CFAP61: variants seen among roughly 807,000 people sequenced by gnomAD.
The protein encoded by CFAP61 is cilia and flagella associated protein 61, also known as cilia- and flagella-associated protein 61.
CFAP61 carries 107 observed loss-of-function variants against 135.6 expected under a neutral mutation model. The observed-to-expected ratio is 0.79, with a 90% CI of 0.67 to 0.93. The LOEUF (loss-of-function observed/expected upper bound fraction) is 0.93, where lower values mean the gene tolerates loss of function less well. Ranked by LOEUF, CFAP61 falls within the 40% of genes least tolerant of loss-of-function variation. CFAP61 has a pLI of 0.00. For synonymous variants in CFAP61, 575 were observed against 578.5 expected (o/e 0.99, Z 0.09); for missense variants, 1,507 against 1,556.2 (o/e 0.97, Z 0.53).
intron 8 of CFAP61, among the ~76,000 whole-genome samples, chr20:20,142,313 C>T (rs1179150669): frequency 3.3e-5 from 5 of 152,140 alleles, no homozygotes; most frequent in African/African-American, 4.8e-5. Flanking sequence ...GCATTGTGAC[C>T]GCTGGCAGAG....
intron 8 of CFAP61, among the ~76,000 whole-genome samples, chr20:20,119,993 TTGTCTTTATCCAG>T (rs2049485868): frequency 6.6e-6 from 1 of 152,248 alleles, no homozygotes; most frequent in South Asian, 2.1e-4. Flanking sequence ...ATGTATCACA[TTGTCTTTATCCAG>T]TCTACCATTG....
chr20:20,237,683 C>T (rs2049704444), intron 18 of CFAP61, among the ~76,000 whole-genome samples: 1 of 152,202 alleles, frequency 6.6e-6, no homozygotes, highest in African/African-American at 2.4e-5. Flanking sequence ...CCCCATAACT[C>T]CTTAATATCA....
intron 8 of CFAP61, among the ~76,000 whole-genome samples, chr20:20,113,966 C>CAAA (rs11456473): frequency 4.8e-4 from 45 of 94,420 alleles, no homozygotes; most frequent in African/African-American, 1.2e-3. Context: ...CATGAGAGCT[C>CAAA]AAAAAAAAAA....
intron 18 of CFAP61, 56 bp from the exon 19 acceptor site, chr20:20,246,061 A>G: frequency 9.2e-7 from 1 of 1,086,898 alleles, no homozygotes; most frequent in South Asian, 1.3e-5. Flanking sequence ...ATTATGATAA[A>G]CTTTTGCTAA....
chr20:20,139,493 C>T lies in CFAP61; in HGVS notation c.860-3364C>T, dbSNP rs16981565. On this transcript the variant is annotated intron_variant, in intron 8 of 26. Coordinates refer to ENST00000245957, the MANE Select transcript of CFAP61 (RefSeq NM_015585.4). The stretch of plus-strand genomic sequence containing the variant: ...AAGCCATAAAATAACAATTAAATCG[C>T]GCAGCTTCAGTTGTATTTTTAGTCA... Among the ~76,000 whole-genome samples, 531 of 152,334 alleles carry T rather than the reference C, an allele frequency of 3.5e-3. 1 individual carries two copies. Among genetic ancestry groups the T allele is most frequent in the African/African-American group, 0.012 (495 of 41,570 alleles).
At chr20:20,358,108 GCACACTGTGAGGGGTGGTAGT>G (rs2059328906) in intron 26 of CFAP61, among the ~76,000 whole-genome samples, 1 of 106,052 alleles carries the variant, frequency 9.4e-6, no homozygotes, top group African/African-American at 3.9e-5. Flanking sequence ...GGGGAGGTGG[GCACACTGTGAGGGGTGGTAGT>G]CACACTGAGA....
chr20:20,344,676 G>A (rs372192543), intron 26 of CFAP61, among the ~76,000 whole-genome samples: 28 of 152,298 alleles, frequency 1.8e-4, no homozygotes, highest in African/African-American at 6.3e-4. Flanking sequence ...TATAGCCACT[G>A]TAGAGAACAG....
At chr20:20,169,272 A>T in intron 12 of CFAP61, 49 bp from the exon 13 acceptor site, 3 of 1,540,388 alleles carry the variant, frequency 1.9e-6, no homozygotes, top group Admixed American at 1.8e-5. Flanking sequence ...TTGTTTTTTG[A>T]TTAATTTTTT....
At chr20:20,177,736 T>G (rs2054743708) in intron 13 of CFAP61, among the ~76,000 whole-genome samples, 1 of 150,482 alleles carries the variant, frequency 6.6e-6, no homozygotes, top group Admixed American at 6.7e-5. Flanking sequence ...ATGCACAGTA[T>G]ATAGGCACTA....
intron 13 of CFAP61, among the ~76,000 whole-genome samples, chr20:20,174,579 G>A (rs6046698): frequency 0.9 from 137,386 of 152,188 alleles, 62,836 homozygotes; most frequent in Middle Eastern, 0.99. Flanking sequence ...CTCAGTTCCT[G>A]TAGGGAGGAC....
chr20:20,245,549 C>T (rs530406616), intron 18 of CFAP61, among the ~76,000 whole-genome samples: 12 of 152,250 alleles, frequency 7.9e-5, no homozygotes, highest in African/African-American at 2.4e-4. Context: ...TCCCACAACA[C>T]GTGGGAATTA....
intron 17 of CFAP61, among the ~76,000 whole-genome samples, chr20:20,206,634 T>C (rs2056868598): frequency 1.3e-5 from 2 of 152,206 alleles, no homozygotes; most frequent in South Asian, 4.1e-4. Flanking sequence ...GTGTGGATAA[T>C]ACTATATTTT....
intron 8 of CFAP61, among the ~76,000 whole-genome samples, chr20:20,106,422 A>G (rs2048411276): frequency 1.3e-5 from 2 of 152,226 alleles, no homozygotes; most frequent in Non-Finnish European, 2.9e-5. Flanking sequence ...ATTATTTTGC[A>G]GACAGCAACA....
intron 25 of CFAP61, among the ~76,000 whole-genome samples, chr20:20,332,404 C>T (rs879422390): frequency 4.6e-5 from 7 of 152,186 alleles, no homozygotes; most frequent in Admixed American, 4.6e-4. Flanking sequence ...GGCCTTAATT[C>T]CGGGGCCACT....
chr20:20,324,071 G>C (rs927864776), intron 25 of CFAP61, among the ~76,000 whole-genome samples: 1 of 151,938 alleles, frequency 6.6e-6, no homozygotes. Context: ...TCTTTTTGGC[G>C]TATCCTTGAT....
chr20:20,150,564 C>T (rs576778987), intron 9 of CFAP61, among the ~76,000 whole-genome samples: 2 of 152,216 alleles, frequency 1.3e-5, no homozygotes, highest in Non-Finnish European at 2.9e-5. Flanking sequence ...AGTCTGTCCA[C>T]ATGACAGCTT....
intron 18 of CFAP61, among the ~76,000 whole-genome samples, chr20:20,243,633 C>T (rs563564626): frequency 1.3e-3 from 196 of 152,174 alleles, no homozygotes; most frequent in Non-Finnish European, 2.6e-3. Flanking sequence ...GACAGGGTTT[C>T]ACCATGTTGG....
intron 25 of CFAP61, among the ~76,000 whole-genome samples, chr20:20,313,923 TC>T (rs1432208141): frequency 1.3e-5 from 2 of 152,030 alleles, no homozygotes; most frequent in Admixed American, 6.6e-5. Flanking sequence ...AACAAACTGA[TC>T]CTGAGGGAAT....
chr20:20,263,221 G>A, intron 21 of CFAP61, 91 bp downstream of exon 21: 1 of 879,758 alleles, frequency 1.1e-6, no homozygotes, highest in Non-Finnish European at 1.6e-6. Context: ...TATATAATTA[G>A]TGCCTAATTA....
Sources: allele counts gnomAD v4.1 joint callset (sites outside exome capture counted in the v4.1 genomes callset), GRCh38; gene constraint gnomAD v4.1.1; transcripts MANE v1.5; gene names NCBI Gene and HGNC (gene_info 2026-07-23, HGNC 2026-07-21).